NRXN3: variants seen among roughly 807,000 people sequenced by gnomAD.
NRXN3 encodes the protein neurexin 3.
NRXN3 carries 32 observed loss-of-function variants against 137.6 expected under a neutral mutation model. The observed-to-expected ratio is 0.23, with a 90% CI of 0.18 to 0.31. The LOEUF is 0.31. Ranked by LOEUF, NRXN3 falls within the 10% of genes least tolerant of loss-of-function variation. The probability of loss-of-function intolerance (pLI) is 1.00; values close to 1 mark genes in which losing one functional copy is unlikely to be tolerated. For synonymous variants in NRXN3, 798 were observed against 784.5 expected, an observed-to-expected ratio of 1.02 and a Z score of -0.29; for missense variants, 1,574 against 2,062.5, an observed-to-expected ratio of 0.76 and a Z score of 4.59.
chr14:79,191,650 C>T, intron 15 of NRXN3, among the ~76,000 whole-genome samples: 1 of 152,112 alleles, frequency 6.6e-6, no homozygotes, highest in East Asian at 1.9e-4. Flanking sequence ...CAATTAATAG[C>T]TTTCTATTTG....
At chr14:78,771,166 TG>T (rs1236405288) in intron 8 of NRXN3, among the ~76,000 whole-genome samples, 2 of 152,214 alleles carry the variant, frequency 1.3e-5, no homozygotes, top group African/African-American at 4.8e-5. Context: ...CAGGCTCTAA[TG>T]GGCCTTGATT....
intron 10 of NRXN3, among the ~76,000 whole-genome samples, chr14:78,832,939 T>C (rs2098986426): frequency 6.6e-6 from 1 of 152,208 alleles, no homozygotes; most frequent in African/African-American, 2.4e-5. Context: ...TCTGCAGGTC[T>C]GGTATACATG....
chr14:78,774,639 C>T (rs1255270879), intron 8 of NRXN3, among the ~76,000 whole-genome samples: 2 of 152,144 alleles, frequency 1.3e-5, no homozygotes, highest in Non-Finnish European at 1.5e-5. Context: ...AGGTTAAGAG[C>T]AGGTGTGGTG....
Position 78,715,235 on chromosome 14 carries a change from A to G in NRXN3, c.2044+96A>G, listed in dbSNP as rs536915429. On this transcript the variant is annotated intron_variant, in intron 8 of 20. Coordinates refer to ENST00000335750, the MANE Select transcript of NRXN3 (RefSeq NM_001330195.2). ...AGCCCAAGCCTTCGCACCTACCTGC[A>G]CTTTCTTTCTTCCAAGAGTTTTTGG... The G allele has an allele frequency of 1.7e-3, 2,439 of 1,443,816 alleles. 9 individuals carry two copies. Among genetic ancestry groups the G allele is most frequent in the Middle Eastern group, 2.8e-3 (11 of 3,930 alleles). The allele number at this position is 1,443,816 out of a possible 1,614,324, so 89.4% of individuals were successfully genotyped here.
intron 11 of NRXN3, among the ~76,000 whole-genome samples, chr14:78,958,804 C>T (rs962034614): frequency 1.3e-5 from 2 of 152,182 alleles, no homozygotes; most frequent in African/African-American, 2.4e-5. Context: ...TGGGCCCTGA[C>T]GTTAACTTGC....
At chr14:78,908,176 C>CT (rs1321000628) in intron 10 of NRXN3, among the ~76,000 whole-genome samples, 6 of 152,016 alleles carry the variant, frequency 3.9e-5, no homozygotes, top group African/African-American at 1.4e-4. Flanking sequence ...TTTGTTAACA[C>CT]TTTTTGTGGC....
intron 4 of NRXN3, among the ~76,000 whole-genome samples, chr14:78,475,999 TG>T (rs1218438694): frequency 6.6e-6 from 1 of 152,218 alleles, no homozygotes; most frequent in East Asian, 1.9e-4. Flanking sequence ...TGTCACATGG[TG>T]ATTAGTGTCA....
intron 16 of NRXN3, among the ~76,000 whole-genome samples, chr14:79,478,912 G>T (rs575980031): frequency 1.3e-5 from 2 of 152,184 alleles, no homozygotes; most frequent in South Asian, 4.1e-4. Flanking sequence ...GTTCTCAAAT[G>T]ATGTCCTTAT....
chr14:78,366,363 G>T (rs754861389), intron 4 of NRXN3, among the ~76,000 whole-genome samples: 38 of 152,136 alleles, frequency 2.5e-4, no homozygotes, highest in African/African-American at 8.7e-4. Flanking sequence ...GGTCATTATT[G>T]TGCTTGATAT....
intron 10 of NRXN3, among the ~76,000 whole-genome samples, chr14:78,856,121 C>A (rs1010672890): frequency 6.6e-6 from 1 of 152,166 alleles, no homozygotes; most frequent in African/African-American, 2.4e-5. Flanking sequence ...TAAAACACTC[C>A]AACCTCAGTA....
intron 15 of NRXN3, among the ~76,000 whole-genome samples, chr14:79,213,632 G>T (rs896032073): frequency 6.6e-6 from 1 of 151,330 alleles, no homozygotes; most frequent in Non-Finnish European, 1.5e-5. Flanking sequence ...TTTTGGGGGG[G>T]GGTGGCGGGA....
At chr14:78,933,637 T>A (rs2099327981) in intron 10 of NRXN3, among the ~76,000 whole-genome samples, 1 of 152,226 alleles carries the variant, frequency 6.6e-6, no homozygotes, top group African/African-American at 2.4e-5. Flanking sequence ...ATCTAGCTAA[T>A]TTAATCATAA....
chr14:79,635,776 G>T (rs571712691), intron 16 of NRXN3, among the ~76,000 whole-genome samples: 1 of 152,232 alleles, frequency 6.6e-6, no homozygotes, highest in South Asian at 2.1e-4. Context: ...TCATTGACTC[G>T]CAATTCCACA....
chr14:79,670,316 G>A (rs1167073789), intron 17 of NRXN3, among the ~76,000 whole-genome samples: 7 of 152,010 alleles, frequency 4.6e-5, no homozygotes, highest in Admixed American at 3.9e-4. Flanking sequence ...CCCTATCCAA[G>A]CAGCTGTTGG....
At chr14:79,460,376 T>A (rs949456195) in intron 15 of NRXN3, among the ~76,000 whole-genome samples, 1 of 152,152 alleles carries the variant, frequency 6.6e-6, no homozygotes, top group Non-Finnish European at 1.5e-5. Context: ...CAGAATTAAG[T>A]AGTGGTAGAC....
intron 4 of NRXN3, among the ~76,000 whole-genome samples, chr14:78,618,362 C>T (rs880569): frequency 0.042 from 6,354 of 151,796 alleles, 176 homozygotes; most frequent in Non-Finnish European, 0.056. Context: ...GCTCTCTCTT[C>T]TCTAGATCTT....
At chr14:78,527,119 ATTTACCCC>A (rs1322968654) in intron 4 of NRXN3, among the ~76,000 whole-genome samples, 1 of 152,206 alleles carries the variant, frequency 6.6e-6, no homozygotes, top group African/African-American at 2.4e-5. Context: ...AATAAACTAA[ATTTACCCC>A]TTTATTTATC....
intron 15 of NRXN3, among the ~76,000 whole-genome samples, chr14:79,411,646 G>T (rs1486912106): frequency 6.6e-6 from 1 of 152,122 alleles, no homozygotes; most frequent in Non-Finnish European, 1.5e-5. Flanking sequence ...TGCTCCAAAT[G>T]AGTCAAATGG....
intron 20 of NRXN3, chr14:79,854,051 A>G: frequency 1.0e-6 from 1 of 984,566 alleles, no homozygotes; most frequent in Non-Finnish European, 1.2e-6. Flanking sequence ...GTTGTAAATT[A>G]TTATATTTGA....
Sources: gnomAD v4.1 joint callset for allele counts (sites outside exome capture counted in the v4.1 genomes callset) on GRCh38, gnomAD v4.1.1 for gene constraint, MANE v1.5 for transcripts, NCBI Gene and HGNC (gene_info 2026-07-23, HGNC 2026-07-21) for gene names.